DPP6: variants seen among roughly 807,000 people sequenced by gnomAD.
DPP6 encodes A-type potassium channel modulatory protein DPP6.
Under a neutral mutation model 122.6 loss-of-function variants are expected in DPP6, and 69 were observed. The ratio of observed to expected loss-of-function variants is 0.56; its 90% CI spans 0.46 to 0.69. The LOEUF is 0.69. DPP6 is among the 30% of genes least tolerant of loss of function. The probability of loss-of-function intolerance (pLI) is 0.00; values close to 1 mark genes in which losing one functional copy is unlikely to be tolerated. For synonymous variants in DPP6, 418 were observed against 433.1 expected (o/e 0.97, Z 0.43); for missense variants, 928 against 1,116.9 (o/e 0.83, Z 2.41).
At chr7:153,870,980 C>G in the DPP6 span, among the ~76,000 whole-genome samples, 1 of 152,184 alleles carries the variant, frequency 6.6e-6, no homozygotes, top group African/African-American at 2.4e-5. Context: ...TGGTGAACCT[C>G]AAATGCTGCT....
At chr7:154,310,437 G>A (rs1806768393) in intron 1 of DPP6, among the ~76,000 whole-genome samples, 1 of 152,202 alleles carries the variant, frequency 6.6e-6, no homozygotes. Flanking sequence ...GAAAGCCCAG[G>A]CAATTGAGAG....
At chr7:154,265,219 GATA>G (rs1220097683) in intron 1 of DPP6, among the ~76,000 whole-genome samples, 10 of 152,242 alleles carry the variant, frequency 6.6e-5, no homozygotes, top group Middle Eastern at 3.4e-3. Context: ...TGGTGATGAT[GATA>G]ATGATGGTGA....
At chr7:154,162,569 C>T (rs181768852) in intron 1 of DPP6, among the ~76,000 whole-genome samples, 57 of 152,284 alleles carry the variant, frequency 3.7e-4, no homozygotes, top group South Asian at 6.2e-4. Context: ...CCAGCAGGTA[C>T]GGAGTCAAAC....
intron 1 of DPP6, among the ~76,000 whole-genome samples, chr7:154,298,632 C>G (rs1015859059): frequency 6.6e-6 from 1 of 152,202 alleles, no homozygotes; most frequent in Non-Finnish European, 1.5e-5. Context: ...ATCCTTTACT[C>G]TAGCAGTAGT....
At chr7:154,359,950 G>A (rs935021761) in intron 1 of DPP6, among the ~76,000 whole-genome samples, 1 of 152,152 alleles carries the variant, frequency 6.6e-6, no homozygotes, top group Non-Finnish European at 1.5e-5. Context: ...GATCTCCTTG[G>A]GCAGGCAGAA....
At chr7:154,435,943 T>A (rs1422672190) in intron 1 of DPP6, among the ~76,000 whole-genome samples, 2 of 152,206 alleles carry the variant, frequency 1.3e-5, no homozygotes, top group Non-Finnish European at 2.9e-5. Context: ...ATAGTAGCTG[T>A]GTGAATATCT....
chr7:153,780,858 T>C, the DPP6 span, among the ~76,000 whole-genome samples: 2 of 152,190 alleles, frequency 1.3e-5, no homozygotes, highest in South Asian at 2.1e-4. Context: ...CACAAACATG[T>C]GGGCCTTCAA....
chr7:154,105,772 T>G (rs529969752), intron 1 of DPP6, among the ~76,000 whole-genome samples: 1 of 152,276 alleles, frequency 6.6e-6, no homozygotes, highest in African/African-American at 2.4e-5. Context: ...ACTTCTCCTT[T>G]GCCTTCTGCC....
At chr7:154,798,689 C>T (rs544406759) in intron 12 of DPP6, among the ~76,000 whole-genome samples, 2 of 152,340 alleles carry the variant, frequency 1.3e-5, no homozygotes, top group South Asian at 2.1e-4. Context: ...GCCAGGATGT[C>T]TCTGAAGACC....
chr7:153,813,616 G>T, the DPP6 span, among the ~76,000 whole-genome samples: 3 of 151,980 alleles, frequency 2.0e-5, no homozygotes, highest in African/African-American at 7.3e-5. Context: ...CTTCCACAAG[G>T]GTTGAACTAG....
intron 5 of DPP6, among the ~76,000 whole-genome samples, chr7:154,630,624 G>A (rs1835348384): frequency 6.6e-6 from 1 of 152,192 alleles, no homozygotes; most frequent in South Asian, 2.1e-4. Flanking sequence ...ATGAGTTCAT[G>A]TCCTTTGCAG....
At chr7:154,889,406 A>T (rs1204825145) in intron 24 of DPP6, 51 bp from the exon 25 acceptor site, 2 of 1,601,590 alleles carry the variant, frequency 1.2e-6, no homozygotes, top group Admixed American at 1.7e-5. Flanking sequence ...TGATGGCACC[A>T]TGGGTTTTAA....
intron 1 of DPP6, among the ~76,000 whole-genome samples, chr7:153,987,416 A>G (rs1796904771): frequency 6.6e-6 from 1 of 152,250 alleles, no homozygotes; most frequent in Middle Eastern, 3.2e-3. Flanking sequence ...GTGTAGTTGT[A>G]GAACGAAACT....
At chr7:154,233,209 G>GCCAAGGTTAA (rs1281217650) in intron 1 of DPP6, among the ~76,000 whole-genome samples, 2 of 152,200 alleles carry the variant, frequency 1.3e-5, no homozygotes, top group Non-Finnish European at 2.9e-5. Flanking sequence ...AAGCACTTCT[G>GCCAAGGTTAA]CCAAGGTTAA....
At chr7:154,117,800 C>T (rs1008239979) in intron 1 of DPP6, among the ~76,000 whole-genome samples, 3 of 151,616 alleles carry the variant, frequency 2.0e-5, no homozygotes, top group Middle Eastern at 3.4e-3. Context: ...GGTGAGCAGA[C>T]GGGTAGCAGA....
intron 8 of DPP6, among the ~76,000 whole-genome samples, chr7:154,749,864 G>A (rs1843278420): frequency 8.6e-6 from 1 of 116,236 alleles, no homozygotes; most frequent in African/African-American, 3.6e-5. Flanking sequence ...AGAGGGATGG[G>A]GCATTACTGA....
intron 1 of DPP6, among the ~76,000 whole-genome samples, chr7:153,926,571 G>A (rs1353887133): frequency 6.6e-6 from 1 of 152,134 alleles, no homozygotes; most frequent in Non-Finnish European, 1.5e-5. Context: ...GAAGTTGATA[G>A]GTGACTGTTA....
intron 1 of DPP6, among the ~76,000 whole-genome samples, chr7:154,120,003 G>A (rs1246138776): frequency 6.6e-6 from 1 of 151,660 alleles, no homozygotes; most frequent in South Asian, 2.1e-4. Context: ...TACCCCACTC[G>A]ACAGACCTTT....
At chr7:154,827,544 G>C (rs1251941767) in intron 16 of DPP6, among the ~76,000 whole-genome samples, 1 of 151,998 alleles carries the variant, frequency 6.6e-6, no homozygotes, top group Non-Finnish European at 1.5e-5. Flanking sequence ...GGGGCAGCCT[G>C]TCGTGGGAAA....
Sources: gnomAD v4.1 joint callset for allele counts (sites outside exome capture counted in the v4.1 genomes callset) on GRCh38, gnomAD v4.1.1 for gene constraint, MANE v1.5 for transcripts, NCBI Gene and HGNC (gene_info 2026-07-23, HGNC 2026-07-21) for gene names.